The following CDC42 variants were observed in gnomAD, a reference collection of about 807,000 sequenced individuals.
CDC42 encodes cell division control protein 42 homolog.
CDC42 carries 1 observed loss-of-function variant against 20.8 expected under a neutral mutation model. The ratio of observed to expected loss-of-function variants is 0.05; its 90% CI spans 0.02 to 0.23. The LOEUF (loss-of-function observed/expected upper bound fraction) is 0.23, where lower values mean the gene tolerates loss of function less well. CDC42 is among the 10% of genes least tolerant of loss of function. CDC42 has a pLI of 1.00. For synonymous variants in CDC42, 72 were observed against 84.8 expected (o/e 0.85, Z 0.83); for missense variants, 49 against 227.9 (o/e 0.21, Z 5.05).
Position 22,096,083 on chromosome 1 carries a change from C to T in CDC42, c.*4566C>T, listed in dbSNP as rs967566978. Among the ~76,000 whole-genome samples, 2 of 152,086 alleles carry T rather than the reference C, an allele frequency of 1.3e-5. No individual in the cohort carries two copies. Among genetic ancestry groups the T allele is most frequent in the Non-Finnish European group, 2.9e-5 (2 of 68,008 alleles). On this transcript the variant is annotated 3_prime_UTR_variant, in exon 6 of 6. Coordinates refer to ENST00000656825, the MANE Select transcript of CDC42 (RefSeq NM_001791.4). ...CACATGATTCTCCTGCCTCAGCCTCCTGAGTAGCTGGGATTACAGGTGTCT... is the reference window on the plus strand; with the variant it reads ...CACATGATTCTCCTGCCTCAGCCTCTTGAGTAGCTGGGATTACAGGTGTCT...
At chr1:22,070,238 A>G (rs552585159) in intron 1 of CDC42, among the ~76,000 whole-genome samples, 2 of 152,338 alleles carry the variant, frequency 1.3e-5, no homozygotes, top group East Asian at 3.9e-4. Context: ...ACCTTTGCTA[A>G]CATTCTTAAA....
In CDC42 at chr1:22,086,873, A is replaced by T. The variant is rs1157835883; in HGVS notation, c.486+7A>T. On this transcript the variant is annotated splice_region_variant and intron_variant, in intron 5 of 5. Transcript: ENST00000656825. ...GTGTTCTGCACTTACACAGGTAAGA[A>T]TGGCATGAAACCCCATGTGTATTTA... is the stretch of plus-strand genomic sequence containing the variant. 1.2e-6 allele frequency: 2 copies of T among 1,610,834 alleles called. No individual in the cohort carries two copies. Among genetic ancestry groups the T allele is most frequent in the Admixed American group, 1.7e-5 (1 of 60,000 alleles).
At chr1:22,082,997 A>G (rs937648249) in intron 3 of CDC42, among the ~76,000 whole-genome samples, 1 of 150,652 alleles carries the variant, frequency 6.6e-6, no homozygotes, top group South Asian at 2.1e-4. Context: ...CTTCTGCCTC[A>G]GCCTTCTGAG....
intron 2 of CDC42, among the ~76,000 whole-genome samples, chr1:22,079,835 T>C (rs556147808): frequency 3.3e-5 from 5 of 152,314 alleles, no homozygotes; most frequent in African/African-American, 1.2e-4. Context: ...TTTGATCTTC[T>C]GGTGTTATAT....
rs909698016 is a variant in CDC42, at chr1:22,098,656, T to C, written c.*7139T>C. ...ACTTCTTTAAAGCCCATCAGATTAA[T>C]GTGCCATTGGTTTGAAAACCATGAC... On this transcript the variant is annotated 3_prime_UTR_variant, in exon 6 of 6. Coordinates refer to ENST00000656825, the MANE Select transcript of CDC42 (RefSeq NM_001791.4). Among the ~76,000 whole-genome samples, 1 of 152,246 alleles carries C rather than the reference T, an allele frequency of 6.6e-6. No homozygotes were observed. Among genetic ancestry groups the C allele is most frequent in the Admixed American group, 6.5e-5 (1 of 15,290 alleles).
chr1:22,065,061 T>C (rs1287931947), intron 1 of CDC42, among the ~76,000 whole-genome samples: 5 of 152,330 alleles, frequency 3.3e-5, no homozygotes, highest in Middle Eastern at 3.4e-3. Flanking sequence ...GCAGAGTGAC[T>C]GACAACCTGT....
intron 1 of CDC42, among the ~76,000 whole-genome samples, chr1:22,069,797 TG>T (rs1219700675): frequency 9.1e-6 from 1 of 109,428 alleles, no homozygotes; most frequent in African/African-American, 2.6e-5. Flanking sequence ...TGTTTGTTTT[TG>T]TTGTTGTTGT....
chr1:22,061,532 CTTTTTTTTTTTTTTTT>C (rs555957608), intron 1 of CDC42, among the ~76,000 whole-genome samples: 1,017 of 36,246 alleles, frequency 0.028, 22 homozygotes, highest in Non-Finnish European at 0.044. Context: ...ATGTTTCTTT[CTTTTTTTTTTTTTTTT>C]TTTTTTTTTT....
rs1435936235 is a variant in CDC42 at position 22,092,939 on chromosome 1, C to G, written c.*1422C>G. On this transcript the variant is annotated 3_prime_UTR_variant, in exon 6 of 6. Coordinates refer to ENST00000656825, the MANE Select transcript of CDC42 (RefSeq NM_001791.4). ...CAGATGTATTAAACAAACAAAAACC[C>G]TTCACAAGCCAGCCTGAGGGTTGTT... is the stretch of plus-strand genomic sequence containing the variant. The G allele has an allele frequency of 6.6e-6, 1 of 152,598 alleles. No individual in the cohort carries two copies. The highest frequency in any genetic ancestry group is 2.4e-5 in the African/African-American group (1 of 41,424). The allele number at this position is 152,598 out of a possible 1,614,324, so 9.5% of individuals were successfully genotyped here.
At chr1:22,087,083 T>G (rs1337662451) in intron 5 of CDC42, among the ~76,000 whole-genome samples, 2 of 152,196 alleles carry the variant, frequency 1.3e-5, no homozygotes, top group African/African-American at 2.4e-5. Flanking sequence ...GCTCTCGTAT[T>G]GTACTGAATG....
intron 3 of CDC42, among the ~76,000 whole-genome samples, chr1:22,083,127 C>T (rs17837986): frequency 0.028 from 4,181 of 151,860 alleles, 175 homozygotes; most frequent in African/African-American, 0.091. Context: ...GTGATCCGCC[C>T]GCCTTGGCCT....
At position 22,098,372 on chromosome 1, in the gene CDC42, G is replaced by C. The variant is rs1387989282; in HGVS notation, c.*6855G>C. 1.3e-5 allele frequency among the ~76,000 whole-genome samples: 2 copies of C among 152,102 alleles called. No homozygotes were observed. The highest frequency in any genetic ancestry group is 2.9e-5 in the Non-Finnish European group (2 of 68,020). On this transcript the variant is annotated 3_prime_UTR_variant, in exon 6 of 6. Coordinates refer to ENST00000656825, the MANE Select transcript of CDC42 (RefSeq NM_001791.4). ...AAAATACTCCTGAGATTCTGAATCT[G>C]TAAGTATGCAATGGGACCTGAGAAT... is the stretch of plus-strand genomic sequence containing the variant.
intron 1 of CDC42, among the ~76,000 whole-genome samples, chr1:22,066,830 G>A (rs556440559): frequency 2.8e-4 from 42 of 152,300 alleles, no homozygotes; most frequent in African/African-American, 7.7e-4. Flanking sequence ...TTGGGAGGCC[G>A]AGGTGGGCGG....
At chr1:22,073,454 G>A (rs965230181) in intron 1 of CDC42, among the ~76,000 whole-genome samples, 8 of 151,640 alleles carry the variant, frequency 5.3e-5, no homozygotes, top group South Asian at 2.1e-4. Flanking sequence ...TGGGAGAATC[G>A]CTTGAACCCT....
At chr1:22,053,724 C>T (rs1645264234) in intron 1 of CDC42, among the ~76,000 whole-genome samples, 2 of 152,180 alleles carry the variant, frequency 1.3e-5, no homozygotes, top group Admixed American at 6.5e-5. Context: ...GTCGGTCACC[C>T]AGTGGCTTAT....
rs1236949541 is a variant in CDC42, at chr1:22,101,289, AG to A, written c.*9773del. 1 of 152,216 alleles carries A rather than the reference AG, an allele frequency of 6.6e-6. No homozygotes were observed. Among genetic ancestry groups the A allele is most frequent in the Non-Finnish European group, 1.5e-5 (1 of 68,046 alleles). 9.4% of individuals were successfully genotyped at this position (152,216 alleles called of 1,614,324 possible). On this transcript the variant is annotated 3_prime_UTR_variant, in exon 6 of 6. Transcript: ENST00000656825. ...ATCCAGGTTCTAGTTGAGGCACCAG[AG>A]TTTCCTTGGGCAAGTTGCCATACCT...
intron 3 of CDC42, among the ~76,000 whole-genome samples, chr1:22,083,731 G>A (rs1054261621): frequency 6.6e-6 from 1 of 152,066 alleles, no homozygotes; most frequent in Non-Finnish European, 1.5e-5. Context: ...CCACTGAATG[G>A]TGTTGGCACC....
chr1:22,069,722 C>T (rs1645463763), intron 1 of CDC42, among the ~76,000 whole-genome samples: 1 of 150,960 alleles, frequency 6.6e-6, no homozygotes, highest in Non-Finnish European at 1.5e-5. Context: ...CTGCCTTGGC[C>T]TCCCAAAGTG....
intron 1 of CDC42, among the ~76,000 whole-genome samples, chr1:22,061,236 G>T (rs1034058500): frequency 6.6e-6 from 1 of 151,710 alleles, no homozygotes; most frequent in South Asian, 2.1e-4. Flanking sequence ...GTGAAACCCC[G>T]TCTCTACTAA....
Sources: gnomAD v4.1 joint callset for allele counts (sites outside exome capture counted in the v4.1 genomes callset) on GRCh38, gnomAD v4.1.1 for gene constraint, MANE v1.5 for transcripts, NCBI Gene and HGNC (gene_info 2026-07-23, HGNC 2026-07-21) for gene names.